ARL13B: variants seen among roughly 807,000 people sequenced by gnomAD.
ARL13B encodes the protein ADP-ribosylation factor-like protein 13B.
A neutral mutation model predicts 56.1 loss-of-function variants in ARL13B; 36 were observed. That is an observed-to-expected ratio of 0.64 (90% CI 0.49 to 0.85). ARL13B has a LOEUF of 0.85. ARL13B is among the 40% of genes least tolerant of loss of function. ARL13B has a pLI of 0.00. For missense variants in ARL13B, 519 were observed against 507.1 expected, an observed-to-expected ratio of 1.02 and a Z score of -0.23; for synonymous variants, 178 against 171.1, an observed-to-expected ratio of 1.04 and a Z score of -0.32.
chr3:94,053,176 T>A lies in ARL13B; in HGVS notation c.1211-11T>A, dbSNP rs1274364064. The stretch of plus-strand genomic sequence containing the variant: ...ACTGTTTTGTGCATTTGGTTTTCTT[T>A]CTTTTCTTAGATTTCTATAGGAAGC... On this transcript the variant is annotated splice_polypyrimidine_tract_variant and intron_variant, in intron 9 of 9. Transcript: ENST00000394222. 1 of 1,608,940 alleles carries A rather than the reference T, an allele frequency of 6.2e-7. No individual in the cohort carries two copies. Among genetic ancestry groups the A allele is most frequent in the Non-Finnish European group, 8.5e-7 (1 of 1,178,814 alleles).
intron 1 of ARL13B, among the ~76,000 whole-genome samples, chr3:93,994,247 A>G (rs2075926730): frequency 1.3e-5 from 2 of 151,980 alleles, no homozygotes; most frequent in South Asian, 4.1e-4. Context: ...ACCTTCCTGC[A>G]TTTCTGTACC....
At chr3:94,030,441 G>A (rs950610482) in intron 3 of ARL13B, among the ~76,000 whole-genome samples, 7 of 148,484 alleles carry the variant, frequency 4.7e-5, no homozygotes, top group African/African-American at 1.5e-4. Context: ...CACCATGTTG[G>A]CAAAGCTGGT....
At chr3:94,013,838 T>C (rs1415553172) in intron 3 of ARL13B, among the ~76,000 whole-genome samples, 1 of 152,120 alleles carries the variant, frequency 6.6e-6, no homozygotes, top group Non-Finnish European at 1.5e-5. Context: ...TCCCAGCTAC[T>C]CAGGAGGCTA....
Position 94,053,518 on chromosome 3 carries a change from C to T in ARL13B, c.*255C>T, listed in dbSNP as rs1314175224. 1.6e-6 allele frequency: 1 copy of T among 606,148 alleles called. No individual in the cohort carries two copies. Among genetic ancestry groups the T allele is most frequent in the African/African-American group, 1.8e-5 (1 of 54,930 alleles). The allele number at this position is 606,148 out of a possible 1,614,324, so 37.5% of individuals were successfully genotyped here. A position where few individuals can be genotyped will look rare whatever the true frequency, so the allele number is the denominator to read the frequency against. On this transcript the variant is annotated 3_prime_UTR_variant, in exon 10 of 10. Transcript: ENST00000394222. ...CCAAATTAGCAAGATTTACTGTTGA[C>T]TCTGGTTTATACATCCCCACTCATG...
At chr3:94,006,805 A>G (rs2076143234) in intron 3 of ARL13B, among the ~76,000 whole-genome samples, 1 of 152,224 alleles carries the variant, frequency 6.6e-6, no homozygotes, top group Non-Finnish European at 1.5e-5. Context: ...CTTTCTTTAA[A>G]CTAACATAAC....
chr3:93,996,524 T>C (rs2075967824), intron 2 of ARL13B: 1 of 295,126 alleles, frequency 3.4e-6, no homozygotes. Flanking sequence ...CTTCTTTTTT[T>C]TTTTTTAATT....
chr3:94,049,569 C>CA (rs1560017168), intron 8 of ARL13B, 47 bp downstream of exon 8: 2 of 973,612 alleles, frequency 2.1e-6, no homozygotes, highest in African/African-American at 2.2e-5. Flanking sequence ...TTGCTTTAAA[C>CA]AACAGAGAAA....
chr3:94,035,777 T>C lies in ARL13B; in HGVS notation c.486+341T>C, dbSNP rs145067927. On this transcript the variant is annotated intron_variant, in intron 4 of 9. Coordinates refer to ENST00000394222, the MANE Select transcript of ARL13B (RefSeq NM_001174150.2). ...CATATGAGAGATTCATAATGAATTTTGAAAAATTATTTTGCTGGGCATGGT... is the reference window on the plus strand; with the variant it reads ...CATATGAGAGATTCATAATGAATTTCGAAAAATTATTTTGCTGGGCATGGT... 1.1e-3 allele frequency among the ~76,000 whole-genome samples: 164 copies of C among 152,290 alleles called. 1 individual carries two copies. Among genetic ancestry groups the C allele is most frequent in the African/African-American group, 3.7e-3 (153 of 41,562 alleles).
At chr3:94,045,220 T>C (rs1363799761) in intron 7 of ARL13B, among the ~76,000 whole-genome samples, 1 of 152,016 alleles carries the variant, frequency 6.6e-6, no homozygotes, top group Non-Finnish European at 1.5e-5. Flanking sequence ...CAAGATGTGC[T>C]TTGTTAAACA....
chr3:94,010,737 GA>G (rs1045859583), intron 3 of ARL13B, among the ~76,000 whole-genome samples: 18 of 152,096 alleles, frequency 1.2e-4, no homozygotes, highest in Non-Finnish European at 1.6e-4. Context: ...GCTTTGTGAT[GA>G]TTTTTTTTGT....
At chr3:93,994,299 A>G (rs1447861210) in intron 1 of ARL13B, among the ~76,000 whole-genome samples, 1 of 151,984 alleles carries the variant, frequency 6.6e-6, no homozygotes, top group Non-Finnish European at 1.5e-5. Flanking sequence ...CCCCGAATAT[A>G]TGCATGACTC....
intron 9 of ARL13B, 85 bp from the exon 10 acceptor site, chr3:94,053,102 C>T: frequency 1.8e-6 from 2 of 1,089,392 alleles, no homozygotes; most frequent in Non-Finnish European, 2.7e-6. Context: ...TCTAAAATGT[C>T]TAAAGTCTAA....
At chr3:94,027,198 G>A (rs917542612) in intron 3 of ARL13B, among the ~76,000 whole-genome samples, 2 of 151,858 alleles carry the variant, frequency 1.3e-5, no homozygotes, top group Non-Finnish European at 2.9e-5. Flanking sequence ...AAGTCAACTT[G>A]CCACATTTTT....
At position 94,035,454 on chromosome 3, in the gene ARL13B, T is replaced by G. The variant is rs772073775; in HGVS notation, c.486+18T>G. On this transcript the variant is annotated intron_variant, in intron 4 of 9. Transcript: ENST00000394222. ...GTCAGATAGTAAGGTTTTTTTTTTTTTTTTAATTTTAATTTTTTGTCCTTT... is the reference window on the plus strand; with the variant it reads ...GTCAGATAGTAAGGTTTTTTTTTTTGTTTTAATTTTAATTTTTTGTCCTTT... 1 of 1,524,874 alleles carries G rather than the reference T, an allele frequency of 6.6e-7. No individual in the cohort carries two copies. 94.5% of individuals were successfully genotyped at this position (1,524,874 alleles called of 1,614,324 possible).
chr3:94,007,109 A>C (rs1451859261), intron 3 of ARL13B, among the ~76,000 whole-genome samples: 1 of 152,150 alleles, frequency 6.6e-6, no homozygotes, highest in Non-Finnish European at 1.5e-5. Context: ...AGTTGAGGTA[A>C]CGCACAGTGC....
chr3:94,033,906 C>T (rs2076720297), intron 3 of ARL13B, among the ~76,000 whole-genome samples: 1 of 151,892 alleles, frequency 6.6e-6, no homozygotes, highest in South Asian at 2.1e-4. Context: ...TAGCCAAATC[C>T]CAAACATGGG....
At position 94,043,018 on chromosome 3, in the gene ARL13B, G is replaced by T. The variant is rs2076888636; in HGVS notation, c.802G>T (p.Glu268Ter). 1 of 1,604,404 alleles carries T rather than the reference G, an allele frequency of 6.2e-7. No homozygotes were observed. The highest frequency in any genetic ancestry group is 8.5e-7 in the Non-Finnish European group (1 of 1,175,546). Residue 268 changes from glutamate to a stop codon, truncating the protein, a stop_gained, in exon 7 of 10, where the codon GAA (glutamate) becomes TAA (stop). Transcript: ENST00000394222. LOFTEE classifies it high-confidence loss of function. ...AATGTATTTTATTTTTTGTTAGAAT[G>T]AAGGAAAACTTGAAAGAGAGAAAAA... ...QPIASVIIEN[E>*]GKLEREKKNQ...
Position 94,036,506 on chromosome 3 carries a change from G to A in ARL13B, c.487-46G>A. 8 of 1,576,764 alleles carry A rather than the reference G, an allele frequency of 5.1e-6. 1 individual carries two copies. The highest frequency in any genetic ancestry group is 7.0e-6 in the Non-Finnish European group (8 of 1,147,690). ...TACTTAATGGTTTATGAATAGATTT[G>A]TGTGGAGACCTTTTAATCTTTTAGT... On this transcript the variant is annotated intron_variant, in intron 4 of 9. Transcript: ENST00000394222.
At chr3:94,037,180 A>T (rs1243560997) in intron 5 of ARL13B, among the ~76,000 whole-genome samples, 1 of 152,190 alleles carries the variant, frequency 6.6e-6, no homozygotes, top group Non-Finnish European at 1.5e-5. Flanking sequence ...TATGACACAC[A>T]GGACAGTCTC....
Sources: gnomAD v4.1 joint callset for allele counts (sites outside exome capture counted in the v4.1 genomes callset) on GRCh38, gnomAD v4.1.1 for gene constraint, MANE v1.5 for transcripts, NCBI Gene and HGNC (gene_info 2026-07-23, HGNC 2026-07-21) for gene names.